XRCC1: variants seen among roughly 807,000 people sequenced by gnomAD.
The protein encoded by XRCC1 is X-ray repair cross complementing 1.
A neutral mutation model predicts 83.3 loss-of-function variants in XRCC1; 52 were observed. That is an observed-to-expected ratio of 0.62 (90% CI 0.50 to 0.79). The LOEUF (loss-of-function observed/expected upper bound fraction) is 0.79, where lower values mean the gene tolerates loss of function less well. Among genes scored for constraint, XRCC1 ranks in the 30% least tolerant of loss-of-function variants. The probability of loss-of-function intolerance (pLI) is 0.00; values close to 1 mark genes in which losing one functional copy is unlikely to be tolerated. For missense variants in XRCC1, 793 were observed against 823.5 expected (o/e 0.96, Z 0.45); for synonymous variants, 281 against 312.6 (o/e 0.90, Z 1.07).
At chr19:43,545,334 C>A (rs924996140) in intron 14 of XRCC1, among the ~76,000 whole-genome samples, 10 of 152,204 alleles carry the variant, frequency 6.6e-5, no homozygotes, top group African/African-American at 2.4e-4. Flanking sequence ...TTCTTTTACA[C>A]TGGAAATGCA....
chr19:43,556,493 A>T (rs1048351762), intron 3 of XRCC1, among the ~76,000 whole-genome samples: 11 of 152,202 alleles, frequency 7.2e-5, no homozygotes, highest in Admixed American at 6.5e-5. Flanking sequence ...AATTCATGTT[A>T]GCAATCTGCA....
At chr19:43,552,367 C>T in intron 8 of XRCC1, 92 bp from the exon 9 acceptor site, 1 of 976,842 alleles carries the variant, frequency 1.0e-6, no homozygotes, top group Admixed American at 2.3e-5. Context: ...GGCCCCAGAC[C>T]CTCCTCCCTC....
chr19:43,572,848 T>C (rs1053007471), intron 2 of XRCC1, among the ~76,000 whole-genome samples: 1 of 151,712 alleles, frequency 6.6e-6, no homozygotes, highest in Admixed American at 6.6e-5. Flanking sequence ...CTAATCTCAG[T>C]GGTTTAAAAC....
intron 3 of XRCC1, among the ~76,000 whole-genome samples, chr19:43,556,129 CCT>C (rs1050956797): frequency 2.0e-5 from 3 of 152,082 alleles, no homozygotes; most frequent in African/African-American, 7.2e-5. Context: ...CTCAAATGAT[CCT>C]CTCACCTCAG....
chr19:43,560,840 C>G, intron 3 of XRCC1, 70 bp downstream of exon 3: 1 of 1,338,130 alleles, frequency 7.5e-7, no homozygotes, highest in Non-Finnish European at 1.1e-6. Flanking sequence ...GCCCCAGCCC[C>G]TGGGGGAGAC....
At chr19:43,564,938 A>G (rs1972737897) in intron 2 of XRCC1, among the ~76,000 whole-genome samples, 1 of 152,162 alleles carries the variant, frequency 6.6e-6, no homozygotes, top group South Asian at 2.1e-4. Context: ...GTCTCCTTGC[A>G]TCTTCGGCTT....
intron 2 of XRCC1, among the ~76,000 whole-genome samples, chr19:43,565,279 T>G (rs1404081365): frequency 6.6e-6 from 1 of 152,204 alleles, no homozygotes; most frequent in Non-Finnish European, 1.5e-5. Context: ...GGGCCGGGCA[T>G]CACTGAAGCC....
intron 9 of XRCC1, 141 bp from the exon 10 acceptor site, chr19:43,551,828 G>T (rs911329895): frequency 1.4e-5 from 14 of 1,001,292 alleles, no homozygotes; most frequent in Admixed American, 1.4e-4. Context: ...ACAAAAAGAG[G>T]TTGGAGACCA....
In XRCC1 at chr19:43,553,022, G is replaced by A. The variant is rs761713223; in HGVS notation, c.671C>T (p.Ser224Leu). The change falls in exon 7 of 17, where the codon TCA becomes TTA. Residue 224 changes from serine (S) to leucine (L), a missense_variant. Coordinates refer to ENST00000262887, the MANE Select transcript of XRCC1 (RefSeq NM_006297.3). ...TATGGCCCTGGAGACTGGAGAGGCT[G>A]AGGAGGCAGCACTAGAAGCCTGGAG... The part of the protein sequence containing the change: ...ATLQASSAAS[S>L]ASPVSRAIGS... 3.1e-6 allele frequency: 5 copies of A among 1,602,048 alleles called. No individual in the cohort carries two copies. The African/African-American group carries it at 6.7e-5, about 21-fold the overall frequency.
chr19:43,545,541 G>A (rs970502139), intron 14 of XRCC1, among the ~76,000 whole-genome samples: 6 of 152,104 alleles, frequency 3.9e-5, no homozygotes, highest in Non-Finnish European at 5.9e-5. Flanking sequence ...CACCCCTGAC[G>A]TGAAAAAAAG....
At chr19:43,556,506 G>A (rs986623694) in intron 3 of XRCC1, among the ~76,000 whole-genome samples, 1 of 152,150 alleles carries the variant, frequency 6.6e-6, no homozygotes, top group Non-Finnish European at 1.5e-5. Flanking sequence ...AATCTGCATT[G>A]AAAAACCCAA....
intron 2 of XRCC1, among the ~76,000 whole-genome samples, chr19:43,567,523 C>T (rs1972765764): frequency 5.9e-5 from 9 of 152,066 alleles, no homozygotes; most frequent in Admixed American, 5.9e-4. Flanking sequence ...TGTTGGCCAG[C>T]CTAGTCTCGA....
chr19:43,552,383 C>T (rs1207006736), intron 8 of XRCC1, 108 bp from the exon 9 acceptor site: 3 of 830,432 alleles, frequency 3.6e-6, no homozygotes, highest in East Asian at 5.4e-5. Context: ...CCCTCAGACC[C>T]AGCAATCCAG....
At position 43,554,735 on chromosome 19, in the gene XRCC1, G is replaced by A. The variant is rs1972618232; in HGVS notation, c.325C>T (p.Arg109Cys). The A allele has an allele frequency of 3.1e-6, 5 of 1,614,048 alleles. No homozygotes were observed. The highest frequency in any genetic ancestry group is 1.3e-5 in the African/African-American group (1 of 75,044). The change falls in exon 4 of 17, where the codon CGC becomes TGC. Residue 109 changes from arginine to cysteine, a missense_variant. By Grantham distance (180) the Arg-to-Cys change is radical. Transcript: ENST00000262887. ...SRSGSNPNRV[R>C]MFGPDKLVRA... ...ACCAGCTTGTCAGGCCCAAACATGC[G>A]AACGCGGTTGGGGTTTGAGCCACTG... is the stretch of plus-strand genomic sequence containing the variant.
chr19:43,547,950 AAC>A (rs1411511936), intron 10 of XRCC1, among the ~76,000 whole-genome samples: 1 of 151,280 alleles, frequency 6.6e-6, no homozygotes, highest in Non-Finnish European at 1.5e-5. Context: ...TAAAGACTAC[AAC>A]ACTATAATCA....
At chr19:43,560,185 T>C (rs1031392614) in intron 3 of XRCC1, among the ~76,000 whole-genome samples, 76 of 151,072 alleles carry the variant, frequency 5.0e-4, no homozygotes, top group African/African-American at 1.7e-3. Context: ...GGTCAGGAGT[T>C]CGAGACCAGC....
chr19:43,575,091 G>A (rs1461254743), intron 1 of XRCC1, 89 bp from the exon 2 acceptor site: 10 of 1,081,436 alleles, frequency 9.2e-6, no homozygotes, highest in Non-Finnish European at 1.3e-5. Flanking sequence ...GTCCTCCCAA[G>A]GCCTCTACGA....
Position 43,554,757 on chromosome 19 carries a change from A to T in XRCC1, c.303T>A (p.Ser101Arg). ...SSFMSPSESR[S>R]GSNPNRVRMF... ...TGCGAACGCGGTTGGGGTTTGAGCC[A>T]CTGCGGCTCTCGGAAGGGGACATGA... Residue 101 changes from serine to arginine, a missense_variant, in exon 4 of 17, where the codon AGT becomes AGA. By Grantham distance (110) the Ser-to-Arg change is moderately radical. Transcript: ENST00000262887. 1 of 1,613,862 alleles carries T rather than the reference A, an allele frequency of 6.2e-7. No individual in the cohort carries two copies. The highest frequency in any genetic ancestry group is 8.5e-7 in the Non-Finnish European group (1 of 1,179,794).
At chr19:43,571,073 C>A (rs986105369) in intron 2 of XRCC1, among the ~76,000 whole-genome samples, 1 of 151,954 alleles carries the variant, frequency 6.6e-6, no homozygotes, top group African/African-American at 2.4e-5. Flanking sequence ...CAGATCCTGT[C>A]CCTCCTCTGC....
Sources: gnomAD v4.1 joint callset for allele counts (sites outside exome capture counted in the v4.1 genomes callset) on GRCh38, gnomAD v4.1.1 for gene constraint, MANE v1.5 for transcripts, NCBI Gene and HGNC (gene_info 2026-07-23, HGNC 2026-07-21) for gene names.